Variants in DNAAF9 observed in about 807,000 individuals in gnomAD.
DNAAF9 encodes shulin.
DNAAF9 carries 90 observed loss-of-function variants against 167.0 expected under a neutral mutation model. That is an observed-to-expected ratio of 0.54 (90% confidence interval 0.45 to 0.64). The LOEUF (loss-of-function observed/expected upper bound fraction) is 0.64. Ranked by LOEUF, DNAAF9 falls within the 30% of genes least tolerant of loss-of-function variation. DNAAF9 has a pLI of 0.00. For missense variants in DNAAF9, 1,315 were observed against 1,442.2 expected, an observed-to-expected ratio of 0.91 and a Z score of 1.43; for synonymous variants, 491 against 508.8, an observed-to-expected ratio of 0.96 and a Z score of 0.47.
rs185298799 is a variant in DNAAF9 at position 3,268,747 on chromosome 20, T to C, written c.2786+1680A>G. ...AACTACATTAAAAAGGTATATAACC[T>C]TTTATCTGAATTGAGCAAACAAAAC... On this transcript the variant is annotated intron_variant, in intron 30 of 36. Transcript: ENST00000252032. Among the ~76,000 whole-genome samples the C allele has an allele frequency of 3.3e-5, 5 of 152,290 alleles. No individual in the cohort carries two copies. In the East Asian group the frequency reaches 9.6e-4, roughly 29 times the overall value.
chr20:3,382,952 G>C (rs2083681142), intron 1 of DNAAF9, among the ~76,000 whole-genome samples: 1 of 152,082 alleles, frequency 6.6e-6, no homozygotes, highest in Admixed American at 6.5e-5. Flanking sequence ...CCCCCAAACT[G>C]GCCTGAGAAC....
intron 8 of DNAAF9, among the ~76,000 whole-genome samples, chr20:3,347,256 A>G (rs2070210399): frequency 6.6e-6 from 1 of 152,236 alleles, no homozygotes; most frequent in South Asian, 2.1e-4. Flanking sequence ...TTCAAGTATC[A>G]AAAGGTAAAA....
intron 30 of DNAAF9, among the ~76,000 whole-genome samples, chr20:3,267,386 G>C: frequency 6.6e-6 from 1 of 152,052 alleles, no homozygotes; most frequent in South Asian, 2.1e-4. Context: ...CCTTGACCTA[G>C]GCATGCAGTC....
intron 20 of DNAAF9, among the ~76,000 whole-genome samples, chr20:3,307,828 C>G (rs2069327516): frequency 6.6e-6 from 1 of 152,032 alleles, no homozygotes; most frequent in African/African-American, 2.4e-5. Context: ...AGAAAACTGG[C>G]TGTACAAATA....
chr20:3,402,544 T>G lies in DNAAF9; in HGVS notation c.83+4931A>C, dbSNP rs527865643. ...CTCCCCATCCCCGCTACATCCTAATTACCACCATTCTACTCTCTACTTCTA... is the reference window on the plus strand; with the variant it reads ...CTCCCCATCCCCGCTACATCCTAATGACCACCATTCTACTCTCTACTTCTA... On this transcript the variant is annotated intron_variant, in intron 1 of 36. Transcript: ENST00000252032. 1.9e-4 allele frequency among the ~76,000 whole-genome samples: 29 copies of G among 152,254 alleles called. No homozygotes were observed. The East Asian group carries it at 5.6e-3, about 29-fold the overall frequency.
chr20:3,315,600 T>C lies in DNAAF9; in HGVS notation c.1590+135A>G, dbSNP rs1433834460. 4.1e-6 allele frequency: 3 copies of C among 723,072 alleles called. No individual in the cohort carries two copies. The highest frequency in any genetic ancestry group is 2.1e-5 in the Admixed American group (1 of 47,848). 44.8% of individuals were successfully genotyped at this position (723,072 alleles called of 1,614,324 possible). ...AAAGCTCTGCTGGGAAGGGGAGGAATGCAAATAGGAAGTGAAGACAACATA... is the reference window on the plus strand; with the variant it reads ...AAAGCTCTGCTGGGAAGGGGAGGAACGCAAATAGGAAGTGAAGACAACATA... On this transcript the variant is annotated intron_variant, in intron 19 of 36. Transcript: ENST00000252032. This position sits in a 1 kb window ranked among gnomAD's most constrained non-coding sequence, Gnocchi z 4.1.
rs1183174346 is a variant in DNAAF9, at chr20:3,322,239, T to A, written c.1334A>T (p.Asp445Val). ...TACCGTCTTCACAAAGGATAAGCTA[T>A]CTTCACTGTCCAGCGGTACAATTCT... ...QGRIVPLDSE[D>V]SLSFVKTACM... is the part of the protein sequence containing the mutation. Residue 445 changes from aspartate to valine, a missense_variant, in exon 16 of 37, where the codon GAT becomes GTT. By Grantham distance (152) the Asp-to-Val change is radical. Transcript: ENST00000252032. 2 of 1,610,636 alleles carry A rather than the reference T, an allele frequency of 1.2e-6. No homozygotes were observed. The highest frequency in any genetic ancestry group is 1.7e-6 in the Non-Finnish European group (2 of 1,177,816).
At chr20:3,368,330 T>C (rs1375292275) in intron 6 of DNAAF9, among the ~76,000 whole-genome samples, 2 of 152,114 alleles carry the variant, frequency 1.3e-5, no homozygotes, top group Non-Finnish European at 2.9e-5. Context: ...TCACATTGAT[T>C]GTTTCCGTCT....
Position 3,252,578 on chromosome 20 carries a change from C to G in DNAAF9, c.3528G>C (p.Lys1176Asn), listed in dbSNP as rs1422861407. Residue 1176 changes from lysine to asparagine, a missense_variant, in exon 37 of 37, where the codon AAG (lysine) becomes AAC (asparagine). Transcript: ENST00000252032. ...QQEYHDLFEL[K>N]P ...GTACGGGCCCAGCCTTCCTCTAGGGCTTCAGCTCAAAGAGGTCATGATACT... is the reference window on the plus strand; with the variant it reads ...GTACGGGCCCAGCCTTCCTCTAGGGGTTCAGCTCAAAGAGGTCATGATACT... 1.9e-6 allele frequency: 3 copies of G among 1,567,018 alleles called. No individual in the cohort carries two copies. In the African/African-American group the frequency reaches 4.1e-5, roughly 21 times the overall value.
rs2068342153 is a variant in DNAAF9 at position 3,259,501 on chromosome 20, G to T, written c.3034C>A (p.Leu1012Met). The T allele has an allele frequency of 6.2e-7, 1 of 1,611,704 alleles. No individual in the cohort carries two copies. Among genetic ancestry groups the T allele is most frequent in the African/African-American group, 1.3e-5 (1 of 74,872 alleles). ...TTACCTGAAAACTTCACTTTGCCCA[G>T]GATGTGGTAGATGTTTCCGGAGAAG... is the stretch of plus-strand genomic sequence containing the variant. ...SPFSGNIYHILGKVKFSDSER... is the reference protein window; with the variant it reads ...SPFSGNIYHIMGKVKFSDSER... The change falls in exon 33 of 37, where the codon CTG becomes ATG. Residue 1012 changes from leucine (L) to methionine (M), a missense_variant. Around this residue, in one of 2 missense-constraint regions of DNAAF9, gnomAD observed 334 missense variants for 429.7 expected, o/e 0.78. Transcript: ENST00000252032.
At chr20:3,317,983 T>C (rs546264071) in intron 17 of DNAAF9, among the ~76,000 whole-genome samples, 2 of 152,304 alleles carry the variant, frequency 1.3e-5, no homozygotes, top group East Asian at 3.9e-4. Flanking sequence ...TCCACGTCTG[T>C]GAAGTGCCTG....
chr20:3,381,242 C>A (rs767216597), intron 3 of DNAAF9, 137 bp downstream of exon 3: 135 of 664,322 alleles, frequency 2.0e-4, no homozygotes, highest in Non-Finnish European at 2.8e-4. Flanking sequence ...CCGTTTTTTT[C>A]ATTCTTTAAA....
intron 1 of DNAAF9, among the ~76,000 whole-genome samples, chr20:3,396,923 G>A (rs1030875149): frequency 1.3e-5 from 2 of 152,148 alleles, no homozygotes; most frequent in South Asian, 2.1e-4. Flanking sequence ...ACTGAAGGGC[G>A]ATAAAAGTTG....
intron 30 of DNAAF9, among the ~76,000 whole-genome samples, chr20:3,265,665 G>C (rs1430923053): frequency 6.8e-6 from 1 of 147,802 alleles, no homozygotes; most frequent in African/African-American, 2.5e-5. Flanking sequence ...TTGATATACA[G>C]ATACATTCCT....
In DNAAF9 at chr20:3,285,424, A is replaced by G. The variant is rs183138198; in HGVS notation, c.2486+2208T>C. Among the ~76,000 whole-genome samples the G allele has an allele frequency of 2.6e-3, 396 of 152,184 alleles. 4 individuals carry two copies. Among genetic ancestry groups the G allele is most frequent in the East Asian group, 0.017 (89 of 5,156 alleles). ...CTGGGCGCGGTGGCTCACACCTGTA[A>G]TCCCAGCACTCTGGGAGGCCAAGGC... is the stretch of plus-strand genomic sequence containing the variant. On this transcript the variant is annotated intron_variant, in intron 27 of 36. Coordinates refer to ENST00000252032, the MANE Select transcript of DNAAF9 (RefSeq NM_001009984.3).
Position 3,332,327 on chromosome 20 carries a change from G to T in DNAAF9, c.1016C>A (p.Ala339Asp). The change falls in exon 11 of 37, where the codon GCT (alanine) becomes GAT (aspartate). Residue 339 changes from alanine (A) to aspartate (D), a missense_variant. Coordinates refer to ENST00000252032, the MANE Select transcript of DNAAF9 (RefSeq NM_001009984.3). ...TCCAAAAAAGTATGTTCTCGAACAAGCAAGAGGTCCCTTTGGTGAGACACA... is the reference window on the plus strand; with the variant it reads ...TCCAAAAAAGTATGTTCTCGAACAATCAAGAGGTCCCTTTGGTGAGACACA... ...AQCVSPKGPL[A>D]CSRTYFFGAT... The T allele has an allele frequency of 6.2e-7, 1 of 1,608,914 alleles. No homozygotes were observed. Among genetic ancestry groups the T allele is most frequent in the Non-Finnish European group, 8.5e-7 (1 of 1,175,448 alleles).
chr20:3,311,269 T>A (rs1037426300), intron 20 of DNAAF9, among the ~76,000 whole-genome samples: 8 of 151,886 alleles, frequency 5.3e-5, no homozygotes, highest in Non-Finnish European at 1.5e-5. Flanking sequence ...GCCTTCCAAG[T>A]AGATGGGACT....
intron 31 of DNAAF9, among the ~76,000 whole-genome samples, chr20:3,260,623 C>T (rs2068368372): frequency 6.6e-6 from 1 of 151,978 alleles, no homozygotes; most frequent in Admixed American, 6.6e-5. Flanking sequence ...TCAGGATGCC[C>T]TCCCATTTCT....
intron 29 of DNAAF9, among the ~76,000 whole-genome samples, chr20:3,271,983 C>T (rs1215849072): frequency 6.6e-6 from 1 of 152,050 alleles, no homozygotes; most frequent in African/African-American, 2.4e-5. Context: ...AATGAACTCC[C>T]ATCACCTGGT....
Sources: allele counts gnomAD v4.1 joint callset (sites outside exome capture counted in the v4.1 genomes callset), GRCh38; gene constraint gnomAD v4.1.1; regional missense constraint gnomAD v4.1.1; non-coding constraint Gnocchi (gnomAD v3.1); transcripts MANE v1.5; gene names NCBI Gene and HGNC (gene_info 2026-07-23, HGNC 2026-07-21).